The following PDHX variants were observed in gnomAD, a reference collection of about 807,000 sequenced individuals.
The protein encoded by PDHX is pyruvate dehydrogenase complex component X.
A neutral mutation model predicts 55.3 loss-of-function variants in PDHX; 33 were observed. That is an observed-to-expected ratio of 0.60 (90% CI 0.45 to 0.80). The LOEUF (loss-of-function observed/expected upper bound fraction) is 0.80, where lower values mean the gene tolerates loss of function less well. Among genes scored for constraint, PDHX ranks in the 30% least tolerant of loss-of-function variants. The pLI is 0.00. For missense variants in PDHX, 622 were observed against 619.9 expected (o/e 1.00, Z -0.04); for synonymous variants, 226 against 219.4 (o/e 1.03, Z -0.27).
At chr11:34,981,546 TC>T (rs1855514076) in intron 8 of PDHX, among the ~76,000 whole-genome samples, 1 of 152,220 alleles carries the variant, frequency 6.6e-6, no homozygotes, top group South Asian at 2.1e-4. Flanking sequence ...AAATGGTATT[TC>T]TAGTTCTAGA....
Position 34,947,607 on chromosome 11 carries a change from G to A in PDHX, c.342+1G>A. On this transcript the variant is annotated splice_donor_variant, in intron 3 of 10. Coordinates refer to ENST00000227868, the MANE Select transcript of PDHX (RefSeq NM_003477.3). LOFTEE classifies it high-confidence loss of function. The stretch of plus-strand genomic sequence containing the variant: ...TGATGGAATCTTGGCCAAAATCGTG[G>A]TAAGTTTTTATTTTAATTTTCTTCA... 1 of 1,591,486 alleles carries A rather than the reference G, an allele frequency of 6.3e-7. No individual in the cohort carries two copies. The highest frequency in any genetic ancestry group is 1.1e-5 in the South Asian group (1 of 90,794).
intron 6 of PDHX, among the ~76,000 whole-genome samples, chr11:34,969,096 A>T (rs1321323026): frequency 2.0e-5 from 3 of 152,190 alleles, no homozygotes; most frequent in African/African-American, 7.2e-5. Flanking sequence ...TCTGCAGTGT[A>T]CTGTGTAGCC....
chr11:34,935,542 T>A lies in PDHX; in HGVS notation c.241+4058T>A, dbSNP rs149082087. On this transcript the variant is annotated intron_variant, in intron 2 of 10. Transcript: ENST00000227868. Reference sequence around the variant, plus strand: ...CCATGTGTGGTGGTAGAGTCTCCCCTCCAGGTATTGGCCACTGGATAACCT... The same window carrying A: ...CCATGTGTGGTGGTAGAGTCTCCCCACCAGGTATTGGCCACTGGATAACCT... Among the ~76,000 whole-genome samples the A allele has an allele frequency of 7.4e-3, 1,134 of 152,290 alleles. 17 individuals carry two copies. The highest frequency in any genetic ancestry group is 0.026 in the African/African-American group (1,088 of 41,544).
At chr11:34,971,560 C>CAAA (rs1855258602) in intron 7 of PDHX, among the ~76,000 whole-genome samples, 1 of 152,080 alleles carries the variant, frequency 6.6e-6, no homozygotes, top group Non-Finnish European at 1.5e-5. Flanking sequence ...TTTCCTTTTT[C>CAAA]TGTCTGTTAA....
At chr11:34,922,026 C>T (rs1333041639) in intron 1 of PDHX, among the ~76,000 whole-genome samples, 1 of 152,164 alleles carries the variant, frequency 6.6e-6, no homozygotes, top group African/African-American at 2.4e-5. Flanking sequence ...GAACTGTGCA[C>T]GTGATGACAT....
intron 2 of PDHX, among the ~76,000 whole-genome samples, chr11:34,936,340 C>A (rs1256911120): frequency 6.6e-6 from 1 of 152,192 alleles, no homozygotes; most frequent in Non-Finnish European, 1.5e-5. Context: ...TGAGTTTGTT[C>A]ATGTTTGTGC....
chr11:34,980,624 T>C (rs917170387), intron 8 of PDHX, among the ~76,000 whole-genome samples: 4 of 152,160 alleles, frequency 2.6e-5, no homozygotes, highest in Non-Finnish European at 4.4e-5. Context: ...TTTATTCTTT[T>C]AACATAATGA....
intron 2 of PDHX, among the ~76,000 whole-genome samples, chr11:34,933,248 TTTTTTCTCTCTC>T (rs1197512260): frequency 4.6e-5 from 7 of 152,292 alleles, no homozygotes; most frequent in South Asian, 2.1e-4. Flanking sequence ...TCTAATTCAT[TTTTTTCTCTCTC>T]TTTTTCTCTC....
chr11:34,931,540 T>TG (rs1408533667), intron 2 of PDHX, 56 bp downstream of exon 2: 3 of 890,746 alleles, frequency 3.4e-6, no homozygotes, highest in Non-Finnish European at 1.8e-6. Context: ...TATTTTGTTT[T>TG]GTTTTTTTTT....
intron 8 of PDHX, among the ~76,000 whole-genome samples, 178 bp downstream of exon 8, chr11:34,978,360 G>A (rs1370980357): frequency 6.6e-6 from 1 of 151,908 alleles, no homozygotes; most frequent in Non-Finnish European, 1.5e-5. Context: ...AAATCAAAAG[G>A]GCTCACAATG....
chr11:34,971,625 A>G (rs1400149024), intron 7 of PDHX, among the ~76,000 whole-genome samples: 1 of 152,196 alleles, frequency 6.6e-6, no homozygotes, highest in Non-Finnish European at 1.5e-5. Flanking sequence ...TGTATTCCTC[A>G]TATAAAATCC....
chr11:34,976,534 A>G (rs1855378400), intron 7 of PDHX, among the ~76,000 whole-genome samples: 1 of 152,188 alleles, frequency 6.6e-6, no homozygotes, highest in Admixed American at 6.6e-5. Flanking sequence ...TCTCAGAATT[A>G]GAGGTAGAAT....
intron 7 of PDHX, among the ~76,000 whole-genome samples, chr11:34,972,445 T>A (rs188477187): frequency 6.6e-6 from 1 of 151,898 alleles, no homozygotes; most frequent in Admixed American, 6.6e-5. Flanking sequence ...TCACCCAGGC[T>A]GGAGTGCAGT....
At position 34,931,476 on chromosome 11, in the gene PDHX, A is replaced by G; in HGVS notation, c.233A>G (p.Lys78Arg). 1 of 1,592,288 alleles carries G rather than the reference A, an allele frequency of 6.3e-7. No individual in the cohort carries two copies. The highest frequency in any genetic ancestry group is 8.6e-7 in the Non-Finnish European group (1 of 1,161,178). The change falls in exon 2 of 11, where the codon AAA becomes AGA. Residue 78 changes from lysine to arginine, a missense_variant. Transcript: ENST00000227868. Reference protein sequence around the residue: ...MEEGNIVKWLKKEGEAVSAGD... With the variant: ...MEEGNIVKWLRKEGEAVSAGD... ...GAAGGAAACATTGTGAAATGGCTGA[A>G]AAAGGAAGGTGAGGAGGTACCTTCC... is the stretch of plus-strand genomic sequence containing the variant.
chr11:34,967,707 A>T (rs547609725), intron 6 of PDHX, among the ~76,000 whole-genome samples: 47 of 152,274 alleles, frequency 3.1e-4, no homozygotes, highest in African/African-American at 1.1e-3. Flanking sequence ...ATGGGCACTT[A>T]AAAAAATAAA....
At position 34,936,803 on chromosome 11, in the gene PDHX, TTTC is replaced by T. The variant is rs1166855363; in HGVS notation, c.241+5321_241+5323del. 9.3e-3 allele frequency among the ~76,000 whole-genome samples: 1,290 copies of T among 138,326 alleles called. 24 individuals are homozygous for T. The highest frequency in any genetic ancestry group is 0.032 in the African/African-American group (1,176 of 36,216). The allele number at this position is 138,326 out of a possible 152,430, so 90.7% of individuals were successfully genotyped here. On this transcript the variant is annotated intron_variant, in intron 2 of 10. Coordinates refer to ENST00000227868, the MANE Select transcript of PDHX (RefSeq NM_003477.3). ...CTTTTCTTTTTTTTTTTTTTTTTTT[TTTC>T]TGAGACAGAGTCTCACTCTGTCACC...
chr11:34,918,410 C>G (rs1221280675), intron 1 of PDHX, among the ~76,000 whole-genome samples: 1 of 150,726 alleles, frequency 6.6e-6, no homozygotes, highest in Non-Finnish European at 1.5e-5. Context: ...GCACTTTAGC[C>G]TGGGTGACAG....
At chr11:34,954,091 C>T (rs1455748983) in intron 3 of PDHX, among the ~76,000 whole-genome samples, 1 of 152,176 alleles carries the variant, frequency 6.6e-6, no homozygotes. Flanking sequence ...TAATGATTCA[C>T]ACCATGATGG....
intron 2 of PDHX, among the ~76,000 whole-genome samples, chr11:34,935,817 C>G (rs2133950871): frequency 6.6e-6 from 1 of 152,300 alleles, no homozygotes; most frequent in South Asian, 2.1e-4. Context: ...ATAACATGGT[C>G]TGGGGAGGAC....
Sources: allele counts gnomAD v4.1 joint callset (sites outside exome capture counted in the v4.1 genomes callset), GRCh38; gene constraint gnomAD v4.1.1; transcripts MANE v1.5; gene names NCBI Gene and HGNC (gene_info 2026-07-23, HGNC 2026-07-21).